The following XKR9 variants were observed in gnomAD, a reference collection of about 807,000 sequenced individuals.
XKR9 encodes the protein XK-related protein 9.
A neutral mutation model predicts 32.0 loss-of-function variants in XKR9; 32 were observed. The observed-to-expected ratio is 1.00, with a 90% CI of 0.76 to 1.34. The LOEUF is 1.34. XKR9 is among the 40% of genes most tolerant of loss of function. XKR9 has a pLI of 0.00. For synonymous variants in XKR9, 168 were observed against 143.4 expected, an observed-to-expected ratio of 1.17 and a Z score of -1.22; for missense variants, 546 against 429.7, an observed-to-expected ratio of 1.27 and a Z score of -2.39.
chr8:70,688,720 T>TG (rs1279739094), intron 3 of XKR9, among the ~76,000 whole-genome samples: 1 of 151,694 alleles, frequency 6.6e-6, no homozygotes, highest in Non-Finnish European at 1.5e-5. Context: ...CTGTCCTTTT[T>TG]TTTTTTTTTG....
At chr8:70,925,029 T>G in the XKR9 span, among the ~76,000 whole-genome samples, 1 of 152,348 alleles carries the variant, frequency 6.6e-6, no homozygotes, top group South Asian at 2.1e-4. Flanking sequence ...CTCTGCTTAT[T>G]GAACTCATGA....
At chr8:70,964,580 C>G in the XKR9 span, among the ~76,000 whole-genome samples, 1 of 151,482 alleles carries the variant, frequency 6.6e-6, no homozygotes, top group Non-Finnish European at 1.5e-5. Context: ...TAATGATATC[C>G]ATGAGCATGG....
At chr8:70,994,835 C>T in the XKR9 span, among the ~76,000 whole-genome samples, 6 of 150,996 alleles carry the variant, frequency 4.0e-5, no homozygotes, top group Non-Finnish European at 4.4e-5. Flanking sequence ...TTTCTAGTGA[C>T]ATCCCAAGTT....
the XKR9 span, among the ~76,000 whole-genome samples, chr8:71,042,086 G>A: frequency 6.6e-6 from 1 of 152,128 alleles, no homozygotes; most frequent in African/African-American, 2.4e-5. Context: ...AAACCAGAGA[G>A]AGAGTGACTG....
chr8:71,064,289 C>T, the XKR9 span, among the ~76,000 whole-genome samples: 2 of 152,050 alleles, frequency 1.3e-5, no homozygotes, highest in Non-Finnish European at 2.9e-5. Flanking sequence ...AATTCTTCTT[C>T]TATAATAATA....
chr8:71,010,316 G>A, the XKR9 span, among the ~76,000 whole-genome samples: 1 of 152,152 alleles, frequency 6.6e-6, no homozygotes, highest in African/African-American at 2.4e-5. Flanking sequence ...GATTAACATG[G>A]ACTCTTTTGA....
intron 3 of XKR9, among the ~76,000 whole-genome samples, chr8:70,683,154 T>C (rs1481326817): frequency 6.6e-6 from 1 of 152,218 alleles, no homozygotes; most frequent in African/African-American, 2.4e-5. Context: ...GCCGGGAGCA[T>C]TGGTCTATTC....
chr8:70,749,073 T>A (rs1167656291), intron 2 of XKR9, among the ~76,000 whole-genome samples: 1 of 152,166 alleles, frequency 6.6e-6, no homozygotes, highest in African/African-American at 2.4e-5. Context: ...TGGACATTCA[T>A]CGGGATGACC....
At chr8:70,691,150 C>T (rs866083833) in intron 3 of XKR9, among the ~76,000 whole-genome samples, 8 of 152,162 alleles carry the variant, frequency 5.3e-5, no homozygotes, top group Non-Finnish European at 8.8e-5. Flanking sequence ...ATTTGCATTT[C>T]TCTAATGATC....
the XKR9 span, among the ~76,000 whole-genome samples, chr8:70,894,617 G>A: frequency 2.2e-3 from 339 of 152,272 alleles, 2 homozygotes; most frequent in African/African-American, 7.9e-3. Context: ...CTGGGATGCA[G>A]GGCACCACTT....
chr8:70,844,490 C>G, the XKR9 span, among the ~76,000 whole-genome samples: 1 of 152,184 alleles, frequency 6.6e-6, no homozygotes, highest in Admixed American at 6.5e-5. Context: ...AACACAGGCT[C>G]CCCCAGCCTA....
chr8:71,003,462 T>C, the XKR9 span, among the ~76,000 whole-genome samples: 1 of 152,210 alleles, frequency 6.6e-6, no homozygotes, highest in African/African-American at 2.4e-5. Context: ...TTTTTCTTTT[T>C]CAACCTAAAG....
chr8:70,733,770 ATATTTT>A lies in XKR9; in HGVS notation c.494-24_494-19del. On this transcript the variant is annotated intron_variant, in intron 4 of 4. Transcript: ENST00000408926. ...ATATTTCTATTATTCCTATAACAAT[ATATTTT>A]TTATTTTTTTGTTTTGTAGATGCGG... 1 of 1,486,822 alleles carries A rather than the reference ATATTTT, an allele frequency of 6.7e-7. No individual in the cohort carries two copies. Among genetic ancestry groups the A allele is most frequent in the Non-Finnish European group, 8.9e-7 (1 of 1,119,542 alleles). The allele number at this position is 1,486,822 out of a possible 1,614,324, so 92.1% of individuals were successfully genotyped here. A position where few individuals can be genotyped will look rare whatever the true frequency, so the allele number is the denominator to read the frequency against.
chr8:70,811,910 A>G, the XKR9 span, among the ~76,000 whole-genome samples: 1 of 152,090 alleles, frequency 6.6e-6, no homozygotes, highest in East Asian at 1.9e-4. Context: ...CAATCAATAG[A>G]AAAAGAGGGA....
chr8:70,690,053 A>G (rs1302129136), intron 3 of XKR9, among the ~76,000 whole-genome samples: 1 of 152,220 alleles, frequency 6.6e-6, no homozygotes, highest in Middle Eastern at 3.2e-3. Flanking sequence ...TTAGTGGAAG[A>G]TGCCAGATAG....
intron 2 of XKR9, among the ~76,000 whole-genome samples, chr8:70,757,609 CAG>C (rs1242367896): frequency 6.6e-6 from 1 of 151,718 alleles, no homozygotes; most frequent in Non-Finnish European, 1.5e-5. Flanking sequence ...TTATTTATGA[CAG>C]AGTCTTGCTC....
the XKR9 span, among the ~76,000 whole-genome samples, chr8:71,003,301 T>TG: frequency 0.3 from 44,921 of 151,872 alleles, 8,599 homozygotes; most frequent in Non-Finnish European, 0.43. Flanking sequence ...TGCAAATGAG[T>TG]GGGGGGAAAA....
the XKR9 span, among the ~76,000 whole-genome samples, chr8:70,907,346 A>G: frequency 2.6e-5 from 4 of 152,328 alleles, no homozygotes; most frequent in African/African-American, 9.6e-5. Context: ...TTAAAAAGTT[A>G]ATAGTGATAG....
intron 3 of XKR9, among the ~76,000 whole-genome samples, chr8:70,689,003 T>C (rs1819415526): frequency 6.6e-6 from 1 of 152,126 alleles, no homozygotes; most frequent in Admixed American, 6.6e-5. Flanking sequence ...TAGATTTGAC[T>C]ATAAAAATGC....
Sources: allele counts gnomAD v4.1 joint callset (sites outside exome capture counted in the v4.1 genomes callset), GRCh38; gene constraint gnomAD v4.1.1; transcripts MANE v1.5; gene names NCBI Gene and HGNC (gene_info 2026-07-23, HGNC 2026-07-21).